The following PSMD5 variants were observed in gnomAD, a reference collection of about 807,000 sequenced individuals.
PSMD5 encodes 26S proteasome non-ATPase regulatory subunit 5.
Under a neutral mutation model 52.1 loss-of-function variants are expected in PSMD5, and 40 were observed. The observed-to-expected ratio is 0.77, with a 90% CI of 0.60 to 1.00. The LOEUF is 1.00. PSMD5 is among the 50% of genes least tolerant of loss of function. The probability of loss-of-function intolerance (pLI) is 0.00; values close to 1 mark genes in which losing one functional copy is unlikely to be tolerated. For synonymous variants in PSMD5, 211 were observed against 226.6 expected, an observed-to-expected ratio of 0.93 and a Z score of 0.62; for missense variants, 575 against 605.2, an observed-to-expected ratio of 0.95 and a Z score of 0.52.
In PSMD5 at chr9:120,835,019, A is replaced by T. The variant is rs115422683; in HGVS notation, c.174-1563T>A. ...ATTGTTAGTAGTAGTACACAATTCA[A>T]CTGATACAACCTTTTGGGTAGGTAA... On this transcript the variant is annotated intron_variant, in intron 1 of 9. Transcript: ENST00000210313. Among the ~76,000 whole-genome samples the T allele has an allele frequency of 9.3e-4, 141 of 152,366 alleles. 3 individuals are homozygous for T. Among genetic ancestry groups the T allele is most frequent in the African/African-American group, 3.1e-3 (131 of 41,596 alleles).
chr9:120,818,448 CAAT>C (rs1417416050), intron 9 of PSMD5, among the ~76,000 whole-genome samples: 2 of 151,640 alleles, frequency 1.3e-5, no homozygotes, highest in African/African-American at 2.4e-5. Flanking sequence ...TAAACATTAA[CAAT>C]AATGTTTACA....
chr9:120,842,357 G>T (rs549994608), intron 1 of PSMD5: 1 of 216,244 alleles, frequency 4.6e-6, no homozygotes, highest in African/African-American at 2.3e-5. Context: ...AATGCTGATG[G>T]TTCTTGCCAC....
Position 120,824,474 on chromosome 9 carries a change from C to CAG in PSMD5, c.1006+18_1006+19dup, listed in dbSNP as rs1470566112. 2 of 1,612,810 alleles carry CAG rather than the reference C, an allele frequency of 1.2e-6. No individual in the cohort carries two copies. Among genetic ancestry groups the CAG allele is most frequent in the Admixed American group, 3.3e-5 (2 of 59,992 alleles). ...TGTCAAAGATTAAGATATCCCTGAA[C>CAG]AGGGCCAAGTCATACCAACCTGTTT... On this transcript the variant is annotated intron_variant, in intron 7 of 9. Coordinates refer to ENST00000210313, the MANE Select transcript of PSMD5 (RefSeq NM_005047.4).
chr9:120,834,273 C>A (rs2045183813), intron 1 of PSMD5, among the ~76,000 whole-genome samples: 6 of 152,072 alleles, frequency 3.9e-5, no homozygotes, highest in Admixed American at 3.3e-4. Flanking sequence ...AGACACCGTG[C>A]CTGGCCCGAT....
rs933259657 is a variant in PSMD5 at position 120,828,154 on chromosome 9, G to A, written c.671+945C>T. Among the ~76,000 whole-genome samples the A allele has an allele frequency of 3.9e-5, 6 of 152,006 alleles. No individual in the cohort carries two copies. In the South Asian group the frequency reaches 8.3e-4, roughly 21 times the overall value. On this transcript the variant is annotated intron_variant, in intron 5 of 9. Coordinates refer to ENST00000210313, the MANE Select transcript of PSMD5 (RefSeq NM_005047.4). ...TAGGATTACAGGCACCCACCACCAC[G>A]CCCAGCTAATTTTTTGTATTTTTTT...
chr9:120,817,845 T>C lies in PSMD5; in HGVS notation c.*61A>G, dbSNP rs908232322. 4.5e-5 allele frequency: 68 copies of C among 1,504,860 alleles called. No homozygotes were observed. Among genetic ancestry groups the C allele is most frequent in the Non-Finnish European group, 6.1e-5 (68 of 1,111,840 alleles). 93.2% of individuals were successfully genotyped at this position (1,504,860 alleles called of 1,614,324 possible). On this transcript the variant is annotated 3_prime_UTR_variant, in exon 10 of 10. Coordinates refer to ENST00000210313, the MANE Select transcript of PSMD5 (RefSeq NM_005047.4). Reference sequence around the variant, plus strand: ...TCTCTTTTGTGAAATATAGATGGAGTCAAATGCCTTAGGAGAAGTTTTGGT... The same window carrying C: ...TCTCTTTTGTGAAATATAGATGGAGCCAAATGCCTTAGGAGAAGTTTTGGT...
At chr9:120,839,787 G>GT in intron 1 of PSMD5, among the ~76,000 whole-genome samples, 1 of 123,832 alleles carries the variant, frequency 8.1e-6, no homozygotes, top group East Asian at 2.5e-4. Flanking sequence ...ATTATAAAAT[G>GT]TTTTTTTAAT....
At chr9:120,824,320 A>AAG in intron 7 of PSMD5, 174 bp downstream of exon 7, 1 of 629,602 alleles carries the variant, frequency 1.6e-6, no homozygotes, top group African/African-American at 1.9e-5. Flanking sequence ...AAAAAAAAAA[A>AAG]GGTTTTCCGT....
At chr9:120,829,339 C>A in intron 4 of PSMD5, 131 bp from the exon 5 acceptor site, 1 of 1,144,792 alleles carries the variant, frequency 8.7e-7, no homozygotes, top group African/African-American at 1.6e-5. Flanking sequence ...CATTATTTGT[C>A]TCTTTAAGTA....
In PSMD5 at chr9:120,842,831, A is replaced by C; in HGVS notation, c.79T>G (p.Ser27Ala). The C allele has an allele frequency of 6.2e-7, 1 of 1,610,862 alleles. No individual in the cohort carries two copies. The highest frequency in any genetic ancestry group is 8.5e-7 in the Non-Finnish European group (1 of 1,179,626). Residue 27 changes from serine to alanine, a missense_variant, in exon 1 of 10, where the codon TCC (serine) becomes GCC (alanine). Transcript: ENST00000210313. ...APLEELRALH[S>A]VLQAVPLNEL... Reference sequence around the variant, plus strand: ...TTGAGCGGCACTGCCTGCAGCACGGAGTGAAGCGCGCGTAGCTCCTCCAGC... The same window carrying C: ...TTGAGCGGCACTGCCTGCAGCACGGCGTGAAGCGCGCGTAGCTCCTCCAGC...
At chr9:120,841,296 T>C (rs1341827351) in intron 1 of PSMD5, among the ~76,000 whole-genome samples, 4 of 152,062 alleles carry the variant, frequency 2.6e-5, no homozygotes, top group Non-Finnish European at 4.4e-5. Flanking sequence ...AACACAGAGA[T>C]TGGCCGGGCG....
Position 120,826,877 on chromosome 9 carries a change from CA to C in PSMD5, c.701del (p.Leu234ArgfsTer16). ...RATCIEMVTS[L>X]AYTHHGRQYL... ...ATTGTCGCCCATGATGAGTATATGC[CA>C]GTGATGTCACCATTTCTATACAGGT... On this transcript the variant is annotated frameshift_variant, in exon 6 of 10. Coordinates refer to ENST00000210313, the MANE Select transcript of PSMD5 (RefSeq NM_005047.4). LOFTEE classifies it high-confidence loss of function. The C allele has an allele frequency of 6.2e-7, 1 of 1,613,406 alleles. No individual in the cohort carries two copies.
chr9:120,828,614 G>A (rs1290156759), intron 5 of PSMD5, among the ~76,000 whole-genome samples: 2 of 151,654 alleles, frequency 1.3e-5, no homozygotes, highest in Non-Finnish European at 2.9e-5. Context: ...TTTTAGTAGG[G>A]ACAGGGTTTC....
In PSMD5 at chr9:120,829,087, C is replaced by T; in HGVS notation, c.671+12G>A. The T allele has an allele frequency of 6.5e-7, 1 of 1,544,912 alleles. No homozygotes were observed. Among genetic ancestry groups the T allele is most frequent in the South Asian group, 1.2e-5 (1 of 81,514 alleles). ...AAGAGGATATTTCACTTTAAGAACT[C>T]AGTCAACACACCTGACCAACACATC... is the stretch of plus-strand genomic sequence containing the variant. On this transcript the variant is annotated intron_variant, in intron 5 of 9. Transcript: ENST00000210313.
rs754331483 is a variant in PSMD5 at position 120,820,988 on chromosome 9, A to G, written c.1117-9T>C. 6.4e-7 allele frequency: 1 copy of G among 1,571,088 alleles called. No individual in the cohort carries two copies. The highest frequency in any genetic ancestry group is 2.3e-5 in the East Asian group (1 of 44,402). On this transcript the variant is annotated splice_polypyrimidine_tract_variant and intron_variant, in intron 8 of 9. Coordinates refer to ENST00000210313, the MANE Select transcript of PSMD5 (RefSeq NM_005047.4). ...TCAGTCTGCTGCTCAGGCTACAGGA[A>G]AGAAAAGGAAAATCTCATCAAAAGT... is the stretch of plus-strand genomic sequence containing the variant.
intron 1 of PSMD5, among the ~76,000 whole-genome samples, chr9:120,835,581 A>G (rs558545749): frequency 6.6e-6 from 1 of 152,146 alleles, no homozygotes; most frequent in African/African-American, 2.4e-5. Flanking sequence ...AAAAAAAATT[A>G]GCTGGGTGTG....
intron 9 of PSMD5, among the ~76,000 whole-genome samples, chr9:120,819,949 C>T (rs1236238210): frequency 1.3e-5 from 2 of 152,184 alleles, no homozygotes; most frequent in Non-Finnish European, 2.9e-5. Flanking sequence ...TTTCCTTATT[C>T]CCTCCCAGTC....
chr9:120,842,418 CAA>C (rs2045246384), intron 1 of PSMD5: 1 of 392,546 alleles, frequency 2.5e-6, no homozygotes, highest in Admixed American at 4.3e-5. Context: ...AGAACCTGTA[CAA>C]AGAGATGTGG....
intron 4 of PSMD5, 37 bp downstream of exon 4, chr9:120,831,294 G>A: frequency 6.5e-7 from 1 of 1,547,932 alleles, no homozygotes. Context: ...ACTGCATTCT[G>A]CTTTGTAAGC....
Sources: gnomAD v4.1 joint callset for allele counts (sites outside exome capture counted in the v4.1 genomes callset) on GRCh38, gnomAD v4.1.1 for gene constraint, MANE v1.5 for transcripts, NCBI Gene and HGNC (gene_info 2026-07-23, HGNC 2026-07-21) for gene names.